GALNT17: variants seen among roughly 807,000 people sequenced by gnomAD.
GALNT17 encodes UDP-GalNAc:polypeptide N-acetylgalactosaminyltransferase-like 3.
Under a neutral mutation model 63.7 loss-of-function variants are expected in GALNT17, and 29 were observed. That is an observed-to-expected ratio of 0.46 (90% CI 0.34 to 0.62). The LOEUF is 0.62. Among genes scored for constraint, GALNT17 ranks in the 20% least tolerant of loss-of-function variants. The probability of loss-of-function intolerance (pLI) is 0.01; values close to 1 mark genes in which losing one functional copy is unlikely to be tolerated. For missense variants in GALNT17, 603 were observed against 799.6 expected, an observed-to-expected ratio of 0.75 and a Z score of 2.97; for synonymous variants, 305 against 318.3, an observed-to-expected ratio of 0.96 and a Z score of 0.45.
intron 6 of GALNT17, among the ~76,000 whole-genome samples, chr7:71,652,631 TG>T (rs1410858583): frequency 6.6e-6 from 1 of 152,220 alleles, no homozygotes; most frequent in Non-Finnish European, 1.5e-5. Context: ...GGCTAAAATT[TG>T]CCTGCGCTTG....
intron 2 of GALNT17, among the ~76,000 whole-genome samples, chr7:71,346,395 T>C (rs1792096602): frequency 2.0e-5 from 3 of 152,136 alleles, no homozygotes; most frequent in Admixed American, 2.0e-4. Context: ...TTTTTCCCTT[T>C]TATTGACTAC....
intron 9 of GALNT17, among the ~76,000 whole-genome samples, chr7:71,683,613 C>CAT (rs2117080791): frequency 6.6e-6 from 1 of 152,300 alleles, no homozygotes; most frequent in South Asian, 2.1e-4. Context: ...CTCAGAGAGC[C>CAT]TTGCTTGCTC....
At chr7:71,554,628 CA>C (rs1407567918) in intron 5 of GALNT17, among the ~76,000 whole-genome samples, 3 of 152,204 alleles carry the variant, frequency 2.0e-5, no homozygotes, top group African/African-American at 7.2e-5. Flanking sequence ...ATTCCTGCCC[CA>C]CTGCCCATAG....
At chr7:71,582,671 A>G (rs1789654164) in intron 6 of GALNT17, among the ~76,000 whole-genome samples, 1 of 152,194 alleles carries the variant, frequency 6.6e-6, no homozygotes, top group Non-Finnish European at 1.5e-5. Flanking sequence ...TTGCAGCAAC[A>G]TGAATGAGAT....
chr7:71,367,051 C>G lies in GALNT17; in HGVS notation c.423-21184C>G, dbSNP rs192695773. 1.1e-4 allele frequency among the ~76,000 whole-genome samples: 16 copies of G among 152,186 alleles called. No homozygotes were observed. The East Asian group carries it at 2.9e-3, about 28-fold the overall frequency. On this transcript the variant is annotated intron_variant, in intron 2 of 10. Transcript: ENST00000333538. ...GGATTTTCAATACATTTTGTTCTAC[C>G]TATTGGTGAACTATGTTGTTAGGTA... is the stretch of plus-strand genomic sequence containing the variant.
chr7:71,454,752 T>C (rs1388991023), intron 5 of GALNT17, among the ~76,000 whole-genome samples: 2 of 152,146 alleles, frequency 1.3e-5, no homozygotes, highest in Non-Finnish European at 2.9e-5. Context: ...ATGGCAGTGT[T>C]AGCATGATCT....
chr7:71,532,543 T>C (rs1788737607), intron 5 of GALNT17, among the ~76,000 whole-genome samples: 2 of 152,212 alleles, frequency 1.3e-5, no homozygotes, highest in Non-Finnish European at 2.9e-5. Flanking sequence ...TGACCAAATC[T>C]TGATTAATTG....
chr7:71,148,613 C>A (rs987067996), intron 1 of GALNT17, among the ~76,000 whole-genome samples: 1 of 152,040 alleles, frequency 6.6e-6, no homozygotes, highest in Non-Finnish European at 1.5e-5. Context: ...TAGCAAGATT[C>A]TTGGCCAACT....
intron 6 of GALNT17, among the ~76,000 whole-genome samples, chr7:71,593,491 C>T (rs1249365392): frequency 6.6e-6 from 1 of 152,102 alleles, no homozygotes; most frequent in African/African-American, 2.4e-5. Context: ...GTCGCTGTCT[C>T]TTGACCACGT....
chr7:71,328,925 A>C (rs905642602), intron 1 of GALNT17, among the ~76,000 whole-genome samples: 1 of 152,140 alleles, frequency 6.6e-6, no homozygotes, highest in Non-Finnish European at 1.5e-5. Context: ...TTTTATAAAA[A>C]AAATTCTCCT....
chr7:71,167,434 T>C (rs1788463173), intron 1 of GALNT17, among the ~76,000 whole-genome samples: 1 of 152,146 alleles, frequency 6.6e-6, no homozygotes, highest in South Asian at 2.1e-4. Context: ...CATTTTCTTT[T>C]TCTAGTTTTT....
In GALNT17 at chr7:71,523,832, A is replaced by G. The variant is rs558368771; in HGVS notation, c.963-47453A>G. On this transcript the variant is annotated intron_variant, in intron 5 of 10. Transcript: ENST00000333538. Reference sequence around the variant, plus strand: ...ACATCCTCAGCCCCCAGATTAAGAAACTCTGGGCTGGGTGCTGTGGCTCAT... The same window carrying G: ...ACATCCTCAGCCCCCAGATTAAGAAGCTCTGGGCTGGGTGCTGTGGCTCAT... Among the ~76,000 whole-genome samples the G allele has an allele frequency of 7.3e-5, 11 of 150,980 alleles. No homozygotes were observed. In the East Asian group the frequency reaches 2.2e-3, roughly 30 times the overall value.
chr7:71,178,419 CTA>C (rs1788676565), intron 1 of GALNT17, among the ~76,000 whole-genome samples: 1 of 151,978 alleles, frequency 6.6e-6, no homozygotes, highest in South Asian at 2.1e-4. Flanking sequence ...TTTCTTGAAT[CTA>C]TATTTTTGTC....
At chr7:71,456,463 C>T (rs1023747013) in intron 5 of GALNT17, among the ~76,000 whole-genome samples, 2 of 152,006 alleles carry the variant, frequency 1.3e-5, no homozygotes, top group Non-Finnish European at 2.9e-5. Flanking sequence ...CTTTGGGAGG[C>T]CGAGGCGGGT....
At chr7:71,140,973 A>C (rs1480056345) in intron 1 of GALNT17, among the ~76,000 whole-genome samples, 1 of 152,092 alleles carries the variant, frequency 6.6e-6, no homozygotes, top group Non-Finnish European at 1.5e-5. Context: ...GTGAGCCATG[A>C]TTGCATCACT....
intron 5 of GALNT17, among the ~76,000 whole-genome samples, chr7:71,503,078 C>A (rs937188061): frequency 1.3e-5 from 2 of 152,138 alleles, no homozygotes; most frequent in Non-Finnish European, 2.9e-5. Flanking sequence ...ATTCTTCTTA[C>A]TTGTTGGGCT....
intron 5 of GALNT17, among the ~76,000 whole-genome samples, chr7:71,538,372 C>T (rs905342279): frequency 6.6e-5 from 10 of 152,080 alleles, no homozygotes; most frequent in Non-Finnish European, 1.0e-4. Flanking sequence ...ACCAGCGGCA[C>T]GTGGACGCAA....
intron 1 of GALNT17, among the ~76,000 whole-genome samples, chr7:71,247,059 G>A (rs1790112552): frequency 6.6e-6 from 1 of 151,914 alleles, no homozygotes; most frequent in Non-Finnish European, 1.5e-5. Context: ...AGAGGCATGA[G>A]CCACCACGCC....
chr7:71,139,632 G>C (rs1429253233), intron 1 of GALNT17, among the ~76,000 whole-genome samples: 1 of 152,090 alleles, frequency 6.6e-6, no homozygotes, highest in African/African-American at 2.4e-5. Context: ...CCCTAGGCAA[G>C]GAGAGTGATT....
Sources: allele counts gnomAD v4.1 joint callset (sites outside exome capture counted in the v4.1 genomes callset), GRCh38; gene constraint gnomAD v4.1.1; transcripts MANE v1.5; gene names NCBI Gene and HGNC (gene_info 2026-07-23, HGNC 2026-07-21).